Variants in SMARCC1 observed in about 807,000 individuals in gnomAD.
SMARCC1 encodes the protein SWI/SNF related BAF chromatin remodeling complex subunit C1.
SMARCC1 carries 43 observed loss-of-function variants against 147.4 expected under a neutral mutation model. The ratio of observed to expected loss-of-function variants is 0.29; its 90% CI spans 0.23 to 0.38. The LOEUF (loss-of-function observed/expected upper bound fraction) is 0.38, where lower values mean the gene tolerates loss of function less well. SMARCC1 is among the 10% of genes least tolerant of loss of function. The pLI is 1.00. For synonymous variants in SMARCC1, 495 were observed against 484.4 expected, an observed-to-expected ratio of 1.02 and a Z score of -0.29; for missense variants, 1,119 against 1,381.1, an observed-to-expected ratio of 0.81 and a Z score of 3.01.
intron 8 of SMARCC1, among the ~76,000 whole-genome samples, chr3:47,714,054 G>A (rs1011358159): frequency 6.6e-6 from 1 of 152,188 alleles, no homozygotes; most frequent in Non-Finnish European, 1.5e-5. Context: ...GCTGAGAAGA[G>A]CTATTAGATT....
chr3:47,715,024 C>G (rs2034138075), intron 7 of SMARCC1, among the ~76,000 whole-genome samples: 1 of 152,096 alleles, frequency 6.6e-6, no homozygotes, highest in South Asian at 2.1e-4. Context: ...CAAGAAAGTA[C>G]TATCACCTGA....
chr3:47,661,540 A>G (rs918253685), intron 20 of SMARCC1, 85 bp from the exon 21 acceptor site: 15 of 1,088,972 alleles, frequency 1.4e-5, no homozygotes, highest in Non-Finnish European at 1.9e-5. Context: ...GAAACCCAAC[A>G]CAGTATTATT....
rs1197586379 is a variant in SMARCC1, at chr3:47,720,660, C to T, written c.716+6G>A. On this transcript the variant is annotated splice_donor_region_variant and intron_variant, in intron 7 of 27. Transcript: ENST00000254480. ...TATACCAGGTCTCACAGCATATGAA[C>T]ATTACCTGTCTGGGTAAAAGCCCCA... The T allele has an allele frequency of 2.5e-6, 4 of 1,588,232 alleles. No homozygotes were observed. Among genetic ancestry groups the T allele is most frequent in the Non-Finnish European group, 3.5e-6 (4 of 1,157,482 alleles).
chr3:47,780,028 G>C (rs764559735), intron 1 of SMARCC1, among the ~76,000 whole-genome samples: 5 of 152,114 alleles, frequency 3.3e-5, no homozygotes, highest in Non-Finnish European at 7.3e-5. Flanking sequence ...AATTTCAGAG[G>C]AGGAAAAGTC....
At chr3:47,712,918 T>A (rs2106800625) in intron 8 of SMARCC1, among the ~76,000 whole-genome samples, 1 of 152,252 alleles carries the variant, frequency 6.6e-6, no homozygotes, top group South Asian at 2.1e-4. Context: ...TGTCTAAAAA[T>A]CCTTCAGTAG....
intron 12 of SMARCC1, among the ~76,000 whole-genome samples, chr3:47,692,352 GA>G (rs1178490515): frequency 2.0e-5 from 3 of 152,154 alleles, no homozygotes; most frequent in African/African-American, 4.8e-5. Flanking sequence ...ACTAGGAAAG[GA>G]TGATGTCATT....
Position 47,680,460 on chromosome 3 carries a change from T to C in SMARCC1, c.1434A>G (p.Lys478=). 6.2e-7 allele frequency: 1 copy of C among 1,612,368 alleles called. No homozygotes were observed. Among genetic ancestry groups the C allele is most frequent in the Non-Finnish European group, 8.5e-7 (1 of 1,179,080 alleles). ...ACATTTCTGGAGTCTTGGATTTGTT[T>C]TTTCCATTGAAGAACTCAGGAAGAG... ...RRALPEFFNG[K]NKSKTPEIYL... The change falls in exon 15 of 28, where the codon AAA becomes AAG. Residue 478 remains lysine, a synonymous_variant. Coordinates refer to ENST00000254480, the MANE Select transcript of SMARCC1 (RefSeq NM_003074.4).
Position 47,693,249 on chromosome 3 carries a change from G to A in SMARCC1, c.1217C>T (p.Ala406Val), listed in dbSNP as rs748633160. Residue 406 changes from alanine to valine, a missense_variant, in exon 12 of 28, where the codon GCG becomes GTG. Ala to Val is a moderately conservative substitution (Grantham distance 64). This residue lies in a region of SMARCC1 where 542 missense variants were observed against 611.8 expected (regional missense o/e 0.89). Coordinates refer to ENST00000254480, the MANE Select transcript of SMARCC1 (RefSeq NM_003074.4). ...ENTPVKGGTV[A>V]DLDEQDEETV... The stretch of plus-strand genomic sequence containing the variant: ...AGATTTTAGGTGCTTACCTAGATCC[G>A]CTACAGTTCCTCCTTTAACAGGTGT... 2.8e-5 allele frequency: 45 copies of A among 1,579,098 alleles called. No homozygotes were observed. Among genetic ancestry groups the A allele is most frequent in the Non-Finnish European group, 3.7e-5 (42 of 1,148,438 alleles).
chr3:47,636,093 G>C lies in SMARCC1; in HGVS notation c.2420C>G (p.Ala807Gly), dbSNP rs755443878. 1 of 1,608,460 alleles carries C rather than the reference G, an allele frequency of 6.2e-7. No individual in the cohort carries two copies. Among genetic ancestry groups the C allele is most frequent in the Non-Finnish European group, 8.5e-7 (1 of 1,176,250 alleles). Residue 807 changes from alanine (A) to glycine (G), a missense_variant, in exon 23 of 28, where the codon GCA becomes GGA. Around this residue, in one of 6 missense-constraint regions of SMARCC1, gnomAD observed 157 missense variants for 158.6 expected, o/e 0.99. Coordinates refer to ENST00000254480, the MANE Select transcript of SMARCC1 (RefSeq NM_003074.4). ...ATTTTTTTCATTTTCTCCATCTTGTGCTTTATCACCTTCATCCGTTTCATT... is the reference window on the plus strand; with the variant it reads ...ATTTTTTTCATTTTCTCCATCTTGTCCTTTATCACCTTCATCCGTTTCATT... ...VENETDEGDK[A>G]QDGENEKNSE...
At chr3:47,707,720 C>CA (rs2034011442) in intron 9 of SMARCC1, among the ~76,000 whole-genome samples, 3 of 151,648 alleles carry the variant, frequency 2.0e-5, no homozygotes, top group Non-Finnish European at 4.4e-5. Flanking sequence ...CAAAAACAAA[C>CA]AAAAAAAAGT....
Position 47,720,709 on chromosome 3 carries a change from T to C in SMARCC1, c.673A>G (p.Lys225Glu). The C allele has an allele frequency of 6.2e-7, 1 of 1,613,058 alleles. No individual in the cohort carries two copies. The highest frequency in any genetic ancestry group is 8.5e-7 in the Non-Finnish European group (1 of 1,179,158). ...CAATGCACTAACACTTGCTTCTCTT[T>C]TCTCATCACCGGTCTCAACCATTCT... ...DEEWLRPVMR[K>E]EKQVLVHWGF... The change falls in exon 7 of 28, where the codon AAA (lysine) becomes GAA (glutamate). Residue 225 changes from lysine (K) to glutamate (E), a missense_variant. By Grantham distance (56) the Lys-to-Glu change is moderately conservative. This residue lies in a region of SMARCC1 where 542 missense variants were observed against 611.8 expected (regional missense o/e 0.89). Transcript: ENST00000254480.
intron 25 of SMARCC1, among the ~76,000 whole-genome samples, chr3:47,613,035 T>C (rs558308511): frequency 1.3e-5 from 2 of 152,308 alleles, no homozygotes; most frequent in South Asian, 4.2e-4. Flanking sequence ...TTTGTGGCAA[T>C]CAGAAAGAAT....
intron 2 of SMARCC1, among the ~76,000 whole-genome samples, chr3:47,767,220 C>T: frequency 7.1e-6 from 1 of 140,402 alleles, no homozygotes; most frequent in Non-Finnish European, 1.5e-5. Flanking sequence ...AGGTTCCACT[C>T]TGATTTTTTT....
intron 5 of SMARCC1, among the ~76,000 whole-genome samples, chr3:47,729,344 C>G (rs955100186): frequency 5.9e-5 from 9 of 152,098 alleles, no homozygotes; most frequent in Admixed American, 5.9e-4. Context: ...CTCTACAGAT[C>G]TCTCTCTCTG....
At chr3:47,632,398 A>G (rs1256996772) in intron 24 of SMARCC1, among the ~76,000 whole-genome samples, 2 of 152,082 alleles carry the variant, frequency 1.3e-5, no homozygotes, top group Admixed American at 6.6e-5. Flanking sequence ...TTGGCCTCCT[A>G]AAGTGCTGCA....
At chr3:47,725,552 G>A (rs1393886500) in intron 6 of SMARCC1, among the ~76,000 whole-genome samples, 1 of 151,986 alleles carries the variant, frequency 6.6e-6, no homozygotes, top group Non-Finnish European at 1.5e-5. Flanking sequence ...CTGGGTTTGA[G>A]CAATTCTCCC....
chr3:47,598,553 AGTGCAGTG>A (rs2032335435), intron 26 of SMARCC1, among the ~76,000 whole-genome samples: 1 of 152,056 alleles, frequency 6.6e-6, no homozygotes, highest in Non-Finnish European at 1.5e-5. Context: ...TATGTGGCCC[AGTGCAGTG>A]GCTCATGCCT....
Position 47,742,587 on chromosome 3 carries a change from ATC to A in SMARCC1, c.401+3319_401+3320del, listed in dbSNP as rs137859879. On this transcript the variant is annotated intron_variant, in intron 3 of 27. Coordinates refer to ENST00000254480, the MANE Select transcript of SMARCC1 (RefSeq NM_003074.4). Reference sequence around the variant, plus strand: ...TCAAACTTAACATTTCAATTCTGTAATCTCTCTTTCTGTTTTTGACACAGGGT... The same window carrying A: ...TCAAACTTAACATTTCAATTCTGTAATCTCTTTCTGTTTTTGACACAGGGT... Among the ~76,000 whole-genome samples, 596 of 152,120 alleles carry A rather than the reference ATC, an allele frequency of 3.9e-3. 5 individuals carry two copies. The highest frequency in any genetic ancestry group is 0.013 in the African/African-American group (540 of 41,502).
intron 7 of SMARCC1, among the ~76,000 whole-genome samples, chr3:47,716,481 G>A (rs1185538617): frequency 6.7e-6 from 1 of 149,160 alleles, no homozygotes; most frequent in African/African-American, 2.5e-5. Flanking sequence ...AAATTGAAAT[G>A]TGGGGAGAAG....
Sources: allele counts gnomAD v4.1 joint callset (sites outside exome capture counted in the v4.1 genomes callset), GRCh38; gene constraint gnomAD v4.1.1; regional missense constraint gnomAD v4.1.1; transcripts MANE v1.5; gene names NCBI Gene and HGNC (gene_info 2026-07-23, HGNC 2026-07-21).